The following GNAL variants were observed in gnomAD, a reference collection of about 807,000 sequenced individuals.
GNAL encodes G protein subunit alpha L, also known as guanine nucleotide-binding protein G(olf) subunit alpha.
A neutral mutation model predicts 55.1 loss-of-function variants in GNAL; 18 were observed. That is an observed-to-expected ratio of 0.33 (90% CI 0.23 to 0.48). GNAL has a LOEUF of 0.48. Among genes scored for constraint, GNAL ranks in the 20% least tolerant of loss-of-function variants. The pLI, the probability that GNAL is intolerant of heterozygous loss-of-function variation, is 0.99. For missense variants in GNAL, 412 were observed against 614.1 expected, an observed-to-expected ratio of 0.67 and a Z score of 3.48; for synonymous variants, 253 against 237.0, an observed-to-expected ratio of 1.07 and a Z score of -0.62.
chr18:11,864,220 G>T (rs1232640708), intron 6 of GNAL, among the ~76,000 whole-genome samples: 2 of 151,586 alleles, frequency 1.3e-5, no homozygotes, highest in African/African-American at 4.9e-5. Flanking sequence ...CCAAGTAGCT[G>T]GGATTACAGC....
At chr18:11,825,079 C>A (rs113354157) in intron 5 of GNAL, 64 bp downstream of exon 5, 1 of 856,656 alleles carries the variant, frequency 1.2e-6, no homozygotes. Flanking sequence ...CATGATTATG[C>A]TGCCTTCTCA....
At chr18:11,802,314 A>G (rs888628911) in intron 4 of GNAL, among the ~76,000 whole-genome samples, 1 of 152,182 alleles carries the variant, frequency 6.6e-6, no homozygotes, top group African/African-American at 2.4e-5. Context: ...GGAAATGTCA[A>G]GTCCTTACTG....
At chr18:11,725,474 T>C (rs1471776097) in intron 1 of GNAL, among the ~76,000 whole-genome samples, 1 of 152,224 alleles carries the variant, frequency 6.6e-6, no homozygotes, top group Non-Finnish European at 1.5e-5. Flanking sequence ...CAGTCTGTGA[T>C]GCTTTATTAT....
chr18:11,738,823 GTGTAGTAT>G (rs2032512771), intron 1 of GNAL, among the ~76,000 whole-genome samples: 1 of 152,138 alleles, frequency 6.6e-6, no homozygotes, highest in Non-Finnish European at 1.5e-5. Context: ...TTGGAAAATT[GTGTAGTAT>G]GAGTCCGTGC....
At chr18:11,858,520 TTCTC>T (rs1232755959) in intron 5 of GNAL, among the ~76,000 whole-genome samples, 2 of 152,190 alleles carry the variant, frequency 1.3e-5, no homozygotes, top group Non-Finnish European at 2.9e-5. Context: ...CCCTTTAAAA[TTCTC>T]TCTATGTATG....
intron 4 of GNAL, among the ~76,000 whole-genome samples, chr18:11,764,751 G>C (rs1326366648): frequency 6.6e-6 from 1 of 152,076 alleles, no homozygotes; most frequent in Admixed American, 6.5e-5. Flanking sequence ...CTCCTGCCTG[G>C]GCGGCAGAGT....
At chr18:11,771,030 C>G (rs2033615724) in intron 4 of GNAL, among the ~76,000 whole-genome samples, 1 of 151,924 alleles carries the variant, frequency 6.6e-6, no homozygotes, top group Admixed American at 6.6e-5. Context: ...GCCTGGCCAA[C>G]ATGATCAAAC....
chr18:11,776,039 C>T (rs1276157941), intron 4 of GNAL, among the ~76,000 whole-genome samples: 2 of 152,286 alleles, frequency 1.3e-5, no homozygotes, highest in African/African-American at 2.4e-5. Flanking sequence ...ATTTATAATT[C>T]GCCCCTCCAT....
chr18:11,703,745 G>C (rs180799666), intron 1 of GNAL, among the ~76,000 whole-genome samples: 34 of 151,802 alleles, frequency 2.2e-4, no homozygotes, highest in Admixed American at 2.2e-3. Flanking sequence ...CCTTGGGCTT[G>C]GGTACAATAA....
At chr18:11,726,075 A>G (rs9960175) in intron 1 of GNAL, among the ~76,000 whole-genome samples, 32,595 of 152,120 alleles carry the variant, frequency 0.21, 7,449 homozygotes, top group African/African-American at 0.58. Context: ...TATTTCTGTG[A>G]GTCTATTTCT....
intron 1 of GNAL, among the ~76,000 whole-genome samples, chr18:11,741,414 A>T (rs1208479816): frequency 6.6e-6 from 1 of 151,994 alleles, no homozygotes; most frequent in South Asian, 2.1e-4. Flanking sequence ...AAATTTCTCT[A>T]AAAAAAATGA....
chr18:11,865,538 C>T (rs947209474), intron 7 of GNAL, among the ~76,000 whole-genome samples: 4 of 146,704 alleles, frequency 2.7e-5, no homozygotes, highest in Non-Finnish European at 5.9e-5. Context: ...TTGCTTGAGA[C>T]CGGGTGTTCA....
chr18:11,690,562 A>C (rs2031213866), intron 1 of GNAL, among the ~76,000 whole-genome samples: 1 of 146,836 alleles, frequency 6.8e-6, no homozygotes, highest in Admixed American at 6.8e-5. Context: ...GCACCCATTA[A>C]CTCGTCATTT....
chr18:11,880,940 A>G, intron 11 of GNAL, 49 bp from the exon 12 acceptor site: 1 of 1,580,316 alleles, frequency 6.3e-7, no homozygotes, highest in Admixed American at 1.7e-5. Context: ...CCTTCCCCAG[A>G]GTACATGCTG....
chr18:11,725,382 A>G (rs1388126227), intron 1 of GNAL, among the ~76,000 whole-genome samples: 1 of 152,210 alleles, frequency 6.6e-6, no homozygotes, highest in Non-Finnish European at 1.5e-5. Flanking sequence ...ACCTCAGAAG[A>G]GACTAACTCT....
At position 11,752,728 on chromosome 18, in the gene GNAL, AGCCAGGAACCC is replaced by A; in HGVS notation, c.377-122_377-112del. On this transcript the variant is annotated intron_variant, in intron 1 of 11. Transcript: ENST00000334049. The surrounding 1 kb of genome is among the most constrained non-coding windows in gnomAD (Gnocchi z 4.5). Reference sequence around the variant, plus strand: ...GACGGCGGCCGGGGCGAGCTCCTCCAGCCAGGAACCCGCGTGTAGGAAATCCCCGTGCTGGG... The same window carrying A: ...GACGGCGGCCGGGGCGAGCTCCTCCAGCGTGTAGGAAATCCCCGTGCTGGG... The A allele has an allele frequency of 8.6e-7, 1 of 1,169,446 alleles. No homozygotes were observed. The highest frequency in any genetic ancestry group is 2.6e-5 in the East Asian group (1 of 38,996). The allele number at this position is 1,169,446 out of a possible 1,614,324, so 72.4% of individuals were successfully genotyped here. A position where few individuals can be genotyped will look rare whatever the true frequency, so the allele number is the denominator to read the frequency against.
chr18:11,732,503 A>G (rs777971838), intron 1 of GNAL, among the ~76,000 whole-genome samples: 4 of 151,308 alleles, frequency 2.6e-5, no homozygotes, highest in Non-Finnish European at 5.9e-5. Context: ...CTTTGTTCCT[A>G]TTTTAATTGG....
chr18:11,794,639 C>T (rs2034327537), intron 4 of GNAL, among the ~76,000 whole-genome samples: 1 of 151,960 alleles, frequency 6.6e-6, no homozygotes, highest in Middle Eastern at 3.4e-3. Context: ...GATGAAAATG[C>T]CTTTCAACTA....
intron 5 of GNAL, among the ~76,000 whole-genome samples, chr18:11,850,547 T>C (rs2035834050): frequency 6.6e-6 from 1 of 152,324 alleles, no homozygotes; most frequent in East Asian, 1.9e-4. Context: ...AAGGGCGTAA[T>C]ACATAGTGAC....
Sources: gnomAD v4.1 joint callset for allele counts (sites outside exome capture counted in the v4.1 genomes callset) on GRCh38, gnomAD v4.1.1 for gene constraint, Gnocchi (gnomAD v3.1) non-coding constraint, MANE v1.5 for transcripts, NCBI Gene and HGNC (gene_info 2026-07-23, HGNC 2026-07-21) for gene names.